The following RTN4R variants were observed in gnomAD, a reference collection of about 807,000 sequenced individuals.
RTN4R encodes the protein reticulon-4 receptor.
A neutral mutation model predicts 27.7 loss-of-function variants in RTN4R; 4 were observed. The ratio of observed to expected loss-of-function variants is 0.14; its 90% confidence interval spans 0.07 to 0.33. The LOEUF (loss-of-function observed/expected upper bound fraction) is 0.33, where lower values mean the gene tolerates loss of function less well. RTN4R is among the 10% of genes least tolerant of loss of function. The pLI, the probability that RTN4R is intolerant of heterozygous loss-of-function variation, is 1.00. For synonymous variants in RTN4R, 290 were observed against 305.6 expected, an observed-to-expected ratio of 0.95 and a Z score of 0.53; for missense variants, 554 against 671.5, an observed-to-expected ratio of 0.83 and a Z score of 1.93.
intron 1 of RTN4R, among the ~76,000 whole-genome samples, chr22:20,265,053 G>A (rs1287280084): frequency 4.6e-5 from 7 of 152,194 alleles, no homozygotes; most frequent in Non-Finnish European, 1.0e-4. Context: ...GAGAGGTTCC[G>A]GGCCACAGGC....
chr22:20,254,561 C>A (rs75920917), intron 1 of RTN4R, among the ~76,000 whole-genome samples: 29 of 151,094 alleles, frequency 1.9e-4, no homozygotes, highest in Admixed American at 1.7e-3. Context: ...AATTCTAGAC[C>A]GAAACAATCC....
In RTN4R at chr22:20,255,925, C is replaced by T. The variant is rs1175640044; in HGVS notation, c.22+12146G>A. On this transcript the variant is annotated intron_variant, in intron 1 of 1. Coordinates refer to ENST00000043402, the MANE Select transcript of RTN4R (RefSeq NM_023004.6). This position sits in a 1 kb window ranked among gnomAD's most constrained non-coding sequence, Gnocchi z 4.8. ...CAACCAAACCGAGGCACGCACGCAG[C>T]GGCGACGTGAATAAGTAATTGCTCT... Among the ~76,000 whole-genome samples the T allele has an allele frequency of 1.3e-5, 2 of 152,252 alleles. No individual in the cohort carries two copies. Among genetic ancestry groups the T allele is most frequent in the African/African-American group, 2.4e-5 (1 of 41,462 alleles).
chr22:20,266,796 C>G (rs1238001383), intron 1 of RTN4R, among the ~76,000 whole-genome samples: 1 of 152,256 alleles, frequency 6.6e-6, no homozygotes, highest in Non-Finnish European at 1.5e-5. Context: ...CACCCACACC[C>G]TGGAGGCAAA....
intron 1 of RTN4R, 23 bp downstream of exon 1, chr22:20,268,048 T>A: frequency 8.6e-7 from 1 of 1,159,340 alleles, no homozygotes; most frequent in South Asian, 4.0e-5. Context: ...CCGGCCGGGC[T>A]CGGGTGCAGC....
chr22:20,267,445 C>A (rs1302055599), intron 1 of RTN4R, among the ~76,000 whole-genome samples: 1 of 152,174 alleles, frequency 6.6e-6, no homozygotes, highest in Admixed American at 6.5e-5. Flanking sequence ...ATTGCCCCAC[C>A]GCCCCTGATT....
Position 20,242,023 on chromosome 22 carries a change from C to G in RTN4R, c.1110G>C (p.Pro370=), listed in dbSNP as rs771040606. The part of the protein sequence containing the change: ...KGRVPPGDSP[P]GNGSGPRHIN... ...TGTGCCGTGGGCCAGAGCCGTTGCC[C>G]GGCGGGCTGTCACCGGGCGGCACGC... The change falls in exon 2 of 2, where the codon CCG becomes CCC. Residue 370 remains proline, a synonymous_variant. Coordinates refer to ENST00000043402, the MANE Select transcript of RTN4R (RefSeq NM_023004.6). 3 of 1,611,566 alleles carry G rather than the reference C, an allele frequency of 1.9e-6. No homozygotes were observed. In the African/African-American group the frequency reaches 4.0e-5, roughly 22 times the overall value.
chr22:20,263,708 T>C (rs376773279), intron 1 of RTN4R, among the ~76,000 whole-genome samples: 1 of 152,252 alleles, frequency 6.6e-6, no homozygotes, highest in African/African-American at 2.4e-5. Flanking sequence ...GACCCTGGCC[T>C]GTGCCCACTC....
At chr22:20,267,242 G>A (rs994675251) in intron 1 of RTN4R, among the ~76,000 whole-genome samples, 17 of 152,254 alleles carry the variant, frequency 1.1e-4, no homozygotes, top group African/African-American at 3.9e-4. Context: ...ACAAGTGCAC[G>A]TGCAAGGAAA....
intron 1 of RTN4R, among the ~76,000 whole-genome samples, chr22:20,244,634 C>T (rs949320694): frequency 1.3e-5 from 2 of 152,184 alleles, no homozygotes; most frequent in African/African-American, 4.8e-5. Flanking sequence ...AAACTGCGGA[C>T]ACCCTCTCTG....
intron 1 of RTN4R, among the ~76,000 whole-genome samples, chr22:20,244,038 C>T (rs2051125910): frequency 6.6e-6 from 1 of 152,224 alleles, no homozygotes. Flanking sequence ...GCCTCTCATT[C>T]CACCATTGAG....
At chr22:20,260,674 C>G (rs2051240870) in intron 1 of RTN4R, among the ~76,000 whole-genome samples, 1 of 152,184 alleles carries the variant, frequency 6.6e-6, no homozygotes, top group East Asian at 1.9e-4. Flanking sequence ...CCAGTCCCAC[C>G]CCGCCCTACC....
intron 1 of RTN4R, among the ~76,000 whole-genome samples, chr22:20,251,822 C>T (rs1267344743): frequency 1.1e-4 from 14 of 126,740 alleles, no homozygotes; most frequent in Admixed American, 2.4e-4. Context: ...AACACTATCA[C>T]CATCATTATC....
chr22:20,257,501 A>G (rs1236096453), intron 1 of RTN4R, among the ~76,000 whole-genome samples: 1 of 152,148 alleles, frequency 6.6e-6, no homozygotes, highest in Admixed American at 6.5e-5. Context: ...ACGTGAGGGC[A>G]CGGTAAGGAG....
rs1245122675 is a variant in RTN4R at position 20,241,493 on chromosome 22, G to C, written c.*218C>G. 2 of 594,406 alleles carry C rather than the reference G, an allele frequency of 3.4e-6. No individual in the cohort carries two copies. The highest frequency in any genetic ancestry group is 6.0e-6 in the Non-Finnish European group (2 of 332,710). The allele number at this position is 594,406 out of a possible 1,614,324, so 36.8% of individuals were successfully genotyped here. A position where few individuals can be genotyped will look rare whatever the true frequency, so the allele number is the denominator to read the frequency against. On this transcript the variant is annotated 3_prime_UTR_variant, in exon 2 of 2. Coordinates refer to ENST00000043402, the MANE Select transcript of RTN4R (RefSeq NM_023004.6). ...TAAAATGCATATCTCTATATACCGC[G>C]ATCTGGGTGGGAGGCGGCGTTCTGG...
chr22:20,259,514 G>A (rs1232726538), intron 1 of RTN4R, among the ~76,000 whole-genome samples: 1 of 152,120 alleles, frequency 6.6e-6, no homozygotes, highest in African/African-American at 2.4e-5. Context: ...GGGCCAAGGA[G>A]AGCTCGCCCC....
intron 1 of RTN4R, among the ~76,000 whole-genome samples, chr22:20,251,891 C>A (rs115677710): frequency 1.7e-3 from 1 of 590 alleles, no homozygotes. Context: ...ATCACTATCA[C>A]CACCATCATC....
chr22:20,268,016 C>A, intron 1 of RTN4R, 55 bp downstream of exon 1: 1 of 1,070,546 alleles, frequency 9.3e-7, no homozygotes. Context: ...GGGGGCGAGC[C>A]GCCCCCCTCC....
chr22:20,244,013 G>A (rs1271193684), intron 1 of RTN4R, among the ~76,000 whole-genome samples: 1 of 152,194 alleles, frequency 6.6e-6, no homozygotes, highest in African/African-American at 2.4e-5. Context: ...CACCCACTCC[G>A]GAGTAAGCTT....
chr22:20,265,411 T>C (rs1354928009), intron 1 of RTN4R, among the ~76,000 whole-genome samples: 10 of 152,176 alleles, frequency 6.6e-5, no homozygotes, highest in African/African-American at 2.2e-4. Flanking sequence ...GTGTCCTCCA[T>C]GGACCCTCCA....
Sources: allele counts gnomAD v4.1 joint callset (sites outside exome capture counted in the v4.1 genomes callset), GRCh38; gene constraint gnomAD v4.1.1; non-coding constraint Gnocchi (gnomAD v3.1); transcripts MANE v1.5; gene names NCBI Gene and HGNC (gene_info 2026-07-23, HGNC 2026-07-21).